DPP6: variants seen among roughly 807,000 people sequenced by gnomAD.
The protein encoded by DPP6 is dipeptidyl peptidase like 6.
DPP6 carries 69 observed loss-of-function variants against 122.6 expected under a neutral mutation model. The observed-to-expected ratio is 0.56, with a 90% CI of 0.46 to 0.69. DPP6 has a LOEUF of 0.69. Ranked by LOEUF, DPP6 falls within the 30% of genes least tolerant of loss-of-function variation. The pLI is 0.00. For synonymous variants in DPP6, 418 were observed against 433.1 expected, an observed-to-expected ratio of 0.97 and a Z score of 0.43; for missense variants, 928 against 1,116.9, an observed-to-expected ratio of 0.83 and a Z score of 2.41.
chr7:154,063,629 ACTG>A (rs1464938843), intron 1 of DPP6, among the ~76,000 whole-genome samples: 5 of 129,736 alleles, frequency 3.9e-5, no homozygotes, highest in African/African-American at 5.9e-5. Flanking sequence ...CGAGGCAGGG[ACTG>A]AGAGCCACTC....
chr7:153,835,402 A>T, the DPP6 span, among the ~76,000 whole-genome samples: 1 of 152,152 alleles, frequency 6.6e-6, no homozygotes, highest in Non-Finnish European at 1.5e-5. Context: ...GTGTGGAAAA[A>T]AAAAAAAGGA....
chr7:154,218,597 C>T (rs1003422242), intron 1 of DPP6, among the ~76,000 whole-genome samples: 2 of 152,144 alleles, frequency 1.3e-5, no homozygotes, highest in Admixed American at 6.5e-5. Flanking sequence ...GTATTGCTGG[C>T]AGTACAGTAA....
the DPP6 span, among the ~76,000 whole-genome samples, chr7:153,807,825 C>T: frequency 1.3e-5 from 2 of 151,986 alleles, no homozygotes; most frequent in Non-Finnish European, 2.9e-5. Flanking sequence ...ATTCCTTCCA[C>T]GACGAATCGA....
intron 6 of DPP6, among the ~76,000 whole-genome samples, chr7:154,664,983 A>G (rs1838056545): frequency 6.6e-6 from 1 of 152,096 alleles, no homozygotes; most frequent in African/African-American, 2.4e-5. Context: ...CAATTTTTCT[A>G]CCAATTTTCT....
intron 3 of DPP6, among the ~76,000 whole-genome samples, chr7:154,539,847 CATTG>C (rs1162067364): frequency 3.3e-5 from 5 of 151,832 alleles, no homozygotes; most frequent in Non-Finnish European, 5.9e-5. Context: ...GTTTTTATCT[CATTG>C]ATTTTGGGGA....
intron 5 of DPP6, among the ~76,000 whole-genome samples, chr7:154,609,764 ACTTG>A (rs1833792884): frequency 6.6e-6 from 1 of 152,100 alleles, no homozygotes; most frequent in African/African-American, 2.4e-5. Flanking sequence ...TGTTCTTACG[ACTTG>A]CCCTTCCCAA....
chr7:154,136,788 T>C (rs1795578947), intron 1 of DPP6, among the ~76,000 whole-genome samples: 1 of 152,246 alleles, frequency 6.6e-6, no homozygotes, highest in Non-Finnish European at 1.5e-5. Context: ...ATAATTTAGG[T>C]AGAGTTCTGG....
At chr7:154,731,569 A>T (rs1842342450) in intron 8 of DPP6, among the ~76,000 whole-genome samples, 1 of 152,150 alleles carries the variant, frequency 6.6e-6, no homozygotes, top group Non-Finnish European at 1.5e-5. Context: ...ACTGGCTGTG[A>T]ACTCATCACT....
chr7:153,904,294 T>C (rs1423075295), intron 1 of DPP6, among the ~76,000 whole-genome samples: 2 of 152,102 alleles, frequency 1.3e-5, no homozygotes, highest in Non-Finnish European at 2.9e-5. Context: ...TCAAGTGATA[T>C]GCCCGCCTCA....
At chr7:153,993,287 C>A (rs1355838803) in intron 1 of DPP6, among the ~76,000 whole-genome samples, 1 of 152,146 alleles carries the variant, frequency 6.6e-6, no homozygotes, top group Non-Finnish European at 1.5e-5. Flanking sequence ...GATCTAGCAC[C>A]CAGATTGATC....
intron 1 of DPP6, among the ~76,000 whole-genome samples, chr7:154,347,940 C>G (rs1395594111): frequency 6.6e-6 from 1 of 152,166 alleles, no homozygotes; most frequent in African/African-American, 2.4e-5. Flanking sequence ...GGCAAGTGGA[C>G]TTTGATAGAC....
chr7:154,008,493 T>A (rs1439902531), intron 1 of DPP6, among the ~76,000 whole-genome samples: 2 of 152,206 alleles, frequency 1.3e-5, no homozygotes, highest in Admixed American at 1.3e-4. Flanking sequence ...AAATATTGCT[T>A]AAATCTTTTC....
At chr7:154,199,231 C>G (rs1175809691) in intron 1 of DPP6, among the ~76,000 whole-genome samples, 1 of 152,148 alleles carries the variant, frequency 6.6e-6, no homozygotes, top group Non-Finnish European at 1.5e-5. Context: ...TATTCAGCCC[C>G]AAAGGCTGTA....
intron 1 of DPP6, among the ~76,000 whole-genome samples, chr7:154,237,637 C>A (rs1363501296): frequency 6.6e-6 from 1 of 152,100 alleles, no homozygotes; most frequent in Non-Finnish European, 1.5e-5. Context: ...ATCTAGAAAC[C>A]CTCATCTCCT....
chr7:154,107,583 C>T (rs1200864349), intron 1 of DPP6, among the ~76,000 whole-genome samples: 1 of 152,132 alleles, frequency 6.6e-6, no homozygotes, highest in Non-Finnish European at 1.5e-5. Flanking sequence ...ACCACACACC[C>T]ACAAACATAA....
chr7:154,779,317 C>T (rs374258243), intron 10 of DPP6, among the ~76,000 whole-genome samples: 1,918 of 149,522 alleles, frequency 0.013, 31 homozygotes, highest in East Asian at 0.072. Context: ...CCCCCACCAT[C>T]GCCTCCACCA....
intron 1 of DPP6, among the ~76,000 whole-genome samples, chr7:154,216,455 T>C (rs4726387): frequency 0.68 from 102,717 of 151,986 alleles, 37,286 homozygotes; most frequent in Non-Finnish European, 0.81. Context: ...GTTCCAGGAA[T>C]AGAGCTCATG....
intron 3 of DPP6, among the ~76,000 whole-genome samples, chr7:154,531,493 A>G (rs895318280): frequency 6.6e-6 from 1 of 152,208 alleles, no homozygotes; most frequent in African/African-American, 2.4e-5. Flanking sequence ...AATATAAAAT[A>G]ATGTGTTTTG....
the DPP6 span, among the ~76,000 whole-genome samples, chr7:153,847,824 TTAAC>T: frequency 1.3e-5 from 2 of 152,218 alleles, no homozygotes; most frequent in Admixed American, 6.5e-5. Context: ...GCAGTTCAGT[TTAAC>T]TAAATATTTA....
Sources: allele counts gnomAD v4.1 joint callset (sites outside exome capture counted in the v4.1 genomes callset), GRCh38; gene constraint gnomAD v4.1.1; transcripts MANE v1.5; gene names NCBI Gene and HGNC (gene_info 2026-07-23, HGNC 2026-07-21).